Variants in PRRC1 observed in about 807,000 individuals in gnomAD.
PRRC1 encodes the protein proline rich coiled-coil 1.
In PRRC1, 39 loss-of-function variants were observed where a neutral mutation model predicts 40.7. The observed-to-expected ratio is 0.96, with a 90% confidence interval of 0.74 to 1.25. The LOEUF (loss-of-function observed/expected upper bound fraction) is 1.25, where lower values mean the gene tolerates loss of function less well. Ranked by LOEUF, PRRC1 falls within the 50% of genes most tolerant of loss-of-function variation. PRRC1 has a pLI of 0.00. For synonymous variants in PRRC1, 175 were observed against 193.3 expected (o/e 0.91, Z 0.79); for missense variants, 573 against 548.3 (o/e 1.05, Z -0.45).
Position 127,541,744 on chromosome 5 carries a change from G to A in PRRC1, c.1025+2601G>A, listed in dbSNP as rs1490358296. On this transcript the variant is annotated intron_variant, in intron 7 of 8. Transcript: ENST00000296666. ...TATCCCCTTTATCATTTTTTATTGC[G>A]TCTATTTGATTCTTCTCTCTTTTTT... Among the ~76,000 whole-genome samples, 1,251 of 151,296 alleles carry A rather than the reference G, an allele frequency of 8.3e-3. 17 individuals are homozygous for A. The highest frequency in any genetic ancestry group is 0.026 in the African/African-American group (1,073 of 41,140).
Position 127,530,381 on chromosome 5 carries a change from A to T in PRRC1, c.742A>T (p.Met248Leu). 1 of 1,613,564 alleles carries T rather than the reference A, an allele frequency of 6.2e-7. No individual in the cohort carries two copies. The highest frequency in any genetic ancestry group is 8.5e-7 in the Non-Finnish European group (1 of 1,179,578). The change falls in exon 5 of 9, where the codon ATG (methionine) becomes TTG (leucine). Residue 248 changes from methionine (M) to leucine (L), a missense_variant. Coordinates refer to ENST00000296666, the MANE Select transcript of PRRC1 (RefSeq NM_130809.5). ...CATGATTACAACGCTGGACCCTGGC[A>T]TGGCTCCCTATATCAGTATGTACAT... ...ESMITTLDPG[M>L]APYIKSGGEL...
intron 5 of PRRC1, among the ~76,000 whole-genome samples, chr5:127,531,617 CTTTTTT>C (rs60179366): frequency 0.31 from 30,973 of 99,940 alleles, 3,220 homozygotes; most frequent in East Asian, 0.53. Flanking sequence ...TCTTCTTCTT[CTTTTTT>C]TTTTTTTTTT....
chr5:127,523,616 G>C (rs749454581), intron 2 of PRRC1, 34 bp downstream of exon 2: 2 of 1,321,024 alleles, frequency 1.5e-6, no homozygotes, highest in African/African-American at 2.9e-5. Context: ...CGTGTGTTTT[G>C]AGAATAGTGA....
In PRRC1 at chr5:127,552,805, T is replaced by C; in HGVS notation, c.*889T>C. ...TTTTGAGAGGGGGTTACTTTATTGC[T>C]TGTGGGTTAGTATGTCTCTTACTTC... On this transcript the variant is annotated 3_prime_UTR_variant, in exon 9 of 9. Transcript: ENST00000296666. 1.0e-6 allele frequency: 1 copy of C among 985,596 alleles called. No individual in the cohort carries two copies. The highest frequency in any genetic ancestry group is 1.2e-6 in the Non-Finnish European group (1 of 829,712). 61.1% of individuals were successfully genotyped at this position (985,596 alleles called of 1,614,324 possible). A position where few individuals can be genotyped will look rare whatever the true frequency, so the allele number is the denominator to read the frequency against.
intron 7 of PRRC1, among the ~76,000 whole-genome samples, chr5:127,539,847 C>T (rs927924652): frequency 2.0e-5 from 3 of 152,018 alleles, no homozygotes; most frequent in African/African-American, 7.2e-5. Context: ...ATATGTAGTA[C>T]ACAGATGAGC....
At position 127,552,932 on chromosome 5, in the gene PRRC1, T is replaced by G; in HGVS notation, c.*1016T>G. The G allele has an allele frequency of 1.1e-6, 1 of 894,612 alleles. No homozygotes were observed. Among genetic ancestry groups the G allele is most frequent in the Middle Eastern group, 5.9e-4 (1 of 1,702 alleles). The allele number at this position is 894,612 out of a possible 1,614,324, so 55.4% of individuals were successfully genotyped here. A position where few individuals can be genotyped will look rare whatever the true frequency, so the allele number is the denominator to read the frequency against. ...ATGTTTTCAAAGAAACTATTTTATA[T>G]TCAATCTAGTTTATTTAGTCTACTG... is the stretch of plus-strand genomic sequence containing the variant. On this transcript the variant is annotated 3_prime_UTR_variant, in exon 9 of 9. Coordinates refer to ENST00000296666, the MANE Select transcript of PRRC1 (RefSeq NM_130809.5).
intron 5 of PRRC1, among the ~76,000 whole-genome samples, chr5:127,530,958 C>T (rs1409804436): frequency 6.6e-6 from 1 of 152,100 alleles, no homozygotes; most frequent in African/African-American, 2.4e-5. Flanking sequence ...TTTTTATGTA[C>T]ATATCCAATA....
intron 7 of PRRC1, among the ~76,000 whole-genome samples, chr5:127,544,914 C>A (rs954980995): frequency 6.6e-6 from 1 of 152,162 alleles, no homozygotes; most frequent in Non-Finnish European, 1.5e-5. Flanking sequence ...TCTGGCACTC[C>A]CTAGTGAGAT....
chr5:127,540,190 A>G (rs972093074), intron 7 of PRRC1, among the ~76,000 whole-genome samples: 1 of 152,120 alleles, frequency 6.6e-6, no homozygotes, highest in Admixed American at 6.6e-5. Flanking sequence ...TCAACTTTCT[A>G]TGTAAGCACT....
intron 5 of PRRC1, among the ~76,000 whole-genome samples, chr5:127,532,009 GT>G (rs1767786000): frequency 6.6e-6 from 1 of 151,946 alleles, no homozygotes; most frequent in African/African-American, 2.4e-5. Context: ...GCTTTAAAAA[GT>G]AATAAAATCG....
rs1768470559 is a variant in PRRC1 at position 127,554,287 on chromosome 5, GA to G, written c.*2372del. On this transcript the variant is annotated 3_prime_UTR_variant, in exon 9 of 9. Transcript: ENST00000296666. ...TCCTGCTCTAGCCTTGGCGGAGGGA[GA>G]GTGCTATTTGCTTTTGTTCTCCCTC... The G allele has an allele frequency of 6.4e-6, 1 of 155,860 alleles. No individual in the cohort carries two copies. The highest frequency in any genetic ancestry group is 2.0e-4 in the South Asian group (1 of 4,938). The allele number at this position is 155,860 out of a possible 1,614,324, so 9.7% of individuals were successfully genotyped here. A position where few individuals can be genotyped will look rare whatever the true frequency, so the allele number is the denominator to read the frequency against.
intron 1 of PRRC1, among the ~76,000 whole-genome samples, chr5:127,519,039 T>G (rs1767390476): frequency 6.6e-6 from 1 of 152,226 alleles, no homozygotes; most frequent in Non-Finnish European, 1.5e-5. Context: ...AGAAATTGAT[T>G]ATTTATTCCA....
At chr5:127,517,903 C>T (rs1353406194) in intron 1 of PRRC1, 127 bp downstream of exon 1, 2 of 152,414 alleles carry the variant, frequency 1.3e-5, no homozygotes, top group Admixed American at 6.5e-5. Flanking sequence ...GCCGGCGCCA[C>T]TGGACGCCGA....
chr5:127,537,149 T>C (rs1024579490), intron 6 of PRRC1, among the ~76,000 whole-genome samples: 7 of 151,838 alleles, frequency 4.6e-5, no homozygotes, highest in Admixed American at 3.9e-4. Context: ...TTATATAGTT[T>C]TATATTCAAC....
intron 7 of PRRC1, among the ~76,000 whole-genome samples, chr5:127,546,506 G>C (rs950179323): frequency 5.9e-5 from 9 of 152,100 alleles, no homozygotes; most frequent in Non-Finnish European, 1.0e-4. Flanking sequence ...GTCTTTAAGT[G>C]ATCTTGAGAA....
At chr5:127,541,993 A>G (rs1245135927) in intron 7 of PRRC1, among the ~76,000 whole-genome samples, 21 of 151,368 alleles carry the variant, frequency 1.4e-4, no homozygotes, top group South Asian at 1.3e-3. Context: ...GATCTTTCCT[A>G]CTTTCTCTTG....
chr5:127,544,674 C>A (rs1189783017), intron 7 of PRRC1, among the ~76,000 whole-genome samples: 1 of 152,234 alleles, frequency 6.6e-6, no homozygotes, highest in African/African-American at 2.4e-5. Context: ...GGGCATAGGA[C>A]CCTCTGAACC....
chr5:127,539,513 T>G (rs1391776162), intron 7 of PRRC1, among the ~76,000 whole-genome samples: 1 of 152,112 alleles, frequency 6.6e-6, no homozygotes, highest in Non-Finnish European at 1.5e-5. Context: ...CTGATGGCAT[T>G]CTCTAGGTTT....
chr5:127,539,241 G>C (rs1246059470), intron 7 of PRRC1, 98 bp downstream of exon 7: 5 of 829,048 alleles, frequency 6.0e-6, no homozygotes, highest in Non-Finnish European at 9.8e-6. Flanking sequence ...TATAACCAGA[G>C]AGAAAAGTAT....
Sources: allele counts gnomAD v4.1 joint callset (sites outside exome capture counted in the v4.1 genomes callset), GRCh38; gene constraint gnomAD v4.1.1; transcripts MANE v1.5; gene names NCBI Gene and HGNC (gene_info 2026-07-23, HGNC 2026-07-21).